MAML3: variants seen among roughly 807,000 people sequenced by gnomAD.
MAML3 encodes the protein mastermind-like protein 3.
In MAML3, 27 loss-of-function variants were observed where a neutral mutation model predicts 101.9. That is an observed-to-expected ratio of 0.27 (90% confidence interval 0.20 to 0.37). MAML3 has a LOEUF of 0.37. Ranked by LOEUF, MAML3 falls within the 10% of genes least tolerant of loss-of-function variation. MAML3 has a pLI of 1.00. For synonymous variants in MAML3, 501 were observed against 555.9 expected, an observed-to-expected ratio of 0.90 and a Z score of 1.39; for missense variants, 1,316 against 1,444.9, an observed-to-expected ratio of 0.91 and a Z score of 1.45.
chr4:139,737,945 C>A (rs1317782994), intron 2 of MAML3, among the ~76,000 whole-genome samples: 1 of 152,166 alleles, frequency 6.6e-6, no homozygotes, highest in Non-Finnish European at 1.5e-5. Context: ...AGGCAGAGTT[C>A]ATCAATTTAG....
intron 1 of MAML3, among the ~76,000 whole-genome samples, chr4:139,902,435 T>C (rs1732745187): frequency 6.6e-6 from 1 of 152,226 alleles, no homozygotes; most frequent in South Asian, 2.1e-4. Context: ...ATTACGGAAC[T>C]GTCATTATTT....
intron 1 of MAML3, among the ~76,000 whole-genome samples, chr4:140,129,163 AGAT>A (rs1212319984): frequency 6.6e-6 from 1 of 152,228 alleles, no homozygotes; most frequent in Non-Finnish European, 1.5e-5. Flanking sequence ...AAACTGAAAG[AGAT>A]GATAACATGC....
At chr4:139,985,767 G>C (rs549901483) in intron 1 of MAML3, among the ~76,000 whole-genome samples, 2 of 152,310 alleles carry the variant, frequency 1.3e-5, no homozygotes, top group South Asian at 4.2e-4. Flanking sequence ...CTAGCCTGTG[G>C]GGAATTAGCT....
At chr4:139,861,110 C>T (rs979872897) in intron 2 of MAML3, among the ~76,000 whole-genome samples, 3 of 152,126 alleles carry the variant, frequency 2.0e-5, no homozygotes, top group African/African-American at 4.8e-5. Context: ...GCGATCCATG[C>T]ATCATTTTCC....
intron 1 of MAML3, among the ~76,000 whole-genome samples, chr4:140,066,378 C>T (rs1727536435): frequency 6.6e-6 from 1 of 152,158 alleles, no homozygotes; most frequent in Admixed American, 6.5e-5. Flanking sequence ...AAGGCCAGCT[C>T]CTGATATGTG....
intron 1 of MAML3, among the ~76,000 whole-genome samples, chr4:139,980,172 G>C (rs1327204164): frequency 6.6e-6 from 1 of 152,164 alleles, no homozygotes; most frequent in South Asian, 2.1e-4. Flanking sequence ...CTTTATCTTA[G>C]GGCTTGAGGC....
chr4:140,152,798 G>GCCCCCCCCCCCCCCCCCCCC, intron 1 of MAML3, 62 bp downstream of exon 1: 3 of 1,555,820 alleles, frequency 1.9e-6, no homozygotes, highest in Non-Finnish European at 1.7e-6. Context: ...AGCTCCACGC[G>GCCCCCCCCCCCCCCCCCCCC]CCCCCCACCA....
At chr4:140,103,970 G>C (rs908433393) in intron 1 of MAML3, among the ~76,000 whole-genome samples, 2 of 152,034 alleles carry the variant, frequency 1.3e-5, no homozygotes, top group African/African-American at 4.8e-5. Flanking sequence ...CTATTGTTCA[G>C]GAAATGACTC....
chr4:140,124,766 A>G (rs906444879), intron 1 of MAML3, among the ~76,000 whole-genome samples: 2 of 152,178 alleles, frequency 1.3e-5, no homozygotes, highest in African/African-American at 2.4e-5. Context: ...CTGCTAGAAA[A>G]CATGGATTAC....
rs34269313 is a variant in MAML3, at chr4:140,078,028, A to AAAAT, written c.468+74828_468+74831dup. On this transcript the variant is annotated intron_variant, in intron 1 of 4. Transcript: ENST00000509479. ...CAAGACTCCGTCTCAAATAAATAAA[A>AAAAT]AAATAAATAAATAAATAAATAAATA... 3.6e-4 allele frequency among the ~76,000 whole-genome samples: 54 copies of AAAAT among 148,052 alleles called. 1 individual carries two copies. Among genetic ancestry groups the AAAAT allele is most frequent in the African/African-American group, 1.2e-3 (47 of 39,936 alleles).
intron 1 of MAML3, among the ~76,000 whole-genome samples, chr4:139,918,670 C>A (rs374586828): frequency 6.6e-6 from 1 of 152,202 alleles, no homozygotes; most frequent in Non-Finnish European, 1.5e-5. Flanking sequence ...AGCACCTAGT[C>A]TGTGTTGCTC....
intron 3 of MAML3, among the ~76,000 whole-genome samples, chr4:139,727,617 T>C (rs1326266599): frequency 6.6e-6 from 1 of 152,242 alleles, no homozygotes; most frequent in Non-Finnish European, 1.5e-5. Flanking sequence ...TGATGTAGAA[T>C]GTTTCTAAGT....
At chr4:139,846,132 T>C (rs1305410132) in intron 2 of MAML3, among the ~76,000 whole-genome samples, 1 of 152,144 alleles carries the variant, frequency 6.6e-6, no homozygotes, top group African/African-American at 2.4e-5. Context: ...TGATAGATCA[T>C]TTTATGCCTT....
chr4:139,971,435 A>G (rs34192564), intron 1 of MAML3, among the ~76,000 whole-genome samples: 47,932 of 152,114 alleles, frequency 0.32, 8,386 homozygotes, highest in East Asian at 0.62. Flanking sequence ...TATCTGAATG[A>G]ACACAACAGA....
intron 1 of MAML3, chr4:140,134,210 G>GAAGTACGGGGA (rs1318500058): frequency 1.5e-5 from 7 of 456,594 alleles, no homozygotes; most frequent in Non-Finnish European, 2.6e-5. Context: ...CCTAACTTAG[G>GAAGTACGGGGA]AAGTACGGGG....
chr4:140,134,370 C>G (rs747668060), intron 1 of MAML3: 2 of 456,750 alleles, frequency 4.4e-6, no homozygotes, highest in Admixed American at 4.7e-5. Flanking sequence ...CCAATCATTT[C>G]TCCAGATGCT....
chr4:140,095,449 G>A (rs1456484299), intron 1 of MAML3, among the ~76,000 whole-genome samples: 1 of 151,992 alleles, frequency 6.6e-6, no homozygotes, highest in East Asian at 1.9e-4. Context: ...CCAGGCTGAG[G>A]GTCAGGCTTA....
intron 2 of MAML3, among the ~76,000 whole-genome samples, chr4:139,796,725 T>C (rs556178111): frequency 1.3e-5 from 2 of 152,246 alleles, no homozygotes; most frequent in East Asian, 3.9e-4. Flanking sequence ...TAGAGGCTAG[T>C]TCTACCCCTC....
At chr4:139,740,011 C>T (rs1389486079) in intron 2 of MAML3, among the ~76,000 whole-genome samples, 1 of 152,132 alleles carries the variant, frequency 6.6e-6, no homozygotes, top group Non-Finnish European at 1.5e-5. Flanking sequence ...TGGCAGGTCC[C>T]CTTTTAAAAC....
Sources: gnomAD v4.1 joint callset for allele counts (sites outside exome capture counted in the v4.1 genomes callset) on GRCh38, gnomAD v4.1.1 for gene constraint, MANE v1.5 for transcripts, NCBI Gene and HGNC (gene_info 2026-07-23, HGNC 2026-07-21) for gene names.